RNASE10: variants seen among roughly 807,000 people sequenced by gnomAD.
RNASE10 encodes ribonuclease A family member 10 (inactive).
In RNASE10, 2 loss-of-function variants were observed where a neutral mutation model predicts 1.1. The observed-to-expected ratio is 1.82, with a 90% CI of 0.74 to 5.73. The LOEUF (loss-of-function observed/expected upper bound fraction) is 5.73. Ranked by LOEUF, RNASE10 falls within the 30% of genes most tolerant of loss-of-function variation. RNASE10 has a pLI of 0.05. For synonymous variants in RNASE10, 97 were observed against 96.2 expected (o/e 1.01, Z -0.05); for missense variants, 276 against 263.4 (o/e 1.05, Z -0.33).
At chr14:20,513,223 GT>G (rs1021357732), downstream of RNASE10, among the ~76,000 whole-genome samples, 3 of 148,604 alleles carry the variant, frequency 2.0e-5, no homozygotes, top group African/African-American at 5.2e-5. Context: ...GTTTTGTTTT[GT>G]TTTTGTTTTT....
upstream of RNASE10, among the ~76,000 whole-genome samples, chr14:20,504,318 A>C (rs972650243): frequency 2.0e-5 from 3 of 152,240 alleles, no homozygotes; most frequent in Non-Finnish European, 1.5e-5. Context: ...ACGAGAGGAC[A>C]CAAGAATCTC....
At chr14:20,504,340 A>G (rs918539091), upstream of RNASE10, among the ~76,000 whole-genome samples, 1 of 152,212 alleles carries the variant, frequency 6.6e-6, no homozygotes, top group Non-Finnish European at 1.5e-5. Flanking sequence ...GCAGCTGCTT[A>G]TGCATGTACG....
At chr14:20,508,970 A>G (rs988538337) in intron 1 of RNASE10, among the ~76,000 whole-genome samples, 1 of 152,032 alleles carries the variant, frequency 6.6e-6, no homozygotes, top group Non-Finnish European at 1.5e-5. Context: ...AATGTTCTTC[A>G]TAGCAATTTT....
intron 1 of RNASE10, among the ~76,000 whole-genome samples, chr14:20,507,376 G>A (rs1484140043): frequency 7.6e-6 from 1 of 132,226 alleles, no homozygotes; most frequent in Non-Finnish European, 1.6e-5. Context: ...GATTAAGGGC[G>A]GTGCAAGATG....
At chr14:20,506,830 G>T (rs1334608004) in intron 1 of RNASE10, among the ~76,000 whole-genome samples, 3,168 of 93,134 alleles carry the variant, frequency 0.034, 1 homozygote, top group South Asian at 0.065. Context: ...TCAGCCCCCC[G>T]CCTGGCCAGC....
At chr14:20,510,348 G>A (rs1882862298) in intron 1 of RNASE10, 119 bp from the exon 2 acceptor site, 2 of 1,440,752 alleles carry the variant, frequency 1.4e-6, no homozygotes, top group Admixed American at 2.3e-5. Context: ...GTAGAGTAAT[G>A]TGCAGAAGAC....
intron 1 of RNASE10, among the ~76,000 whole-genome samples, chr14:20,506,719 G>T (rs1882736263): frequency 3.9e-5 from 5 of 128,970 alleles, no homozygotes; most frequent in Non-Finnish European, 5.0e-5. Context: ...GAGGTGGGGG[G>T]GTCAGCCCCC....
At chr14:20,510,260 A>G in intron 1 of RNASE10, 2 of 294,064 alleles carry the variant, frequency 6.8e-6, no homozygotes, top group Non-Finnish European at 1.0e-5. Flanking sequence ...TCCACATTTT[A>G]TTACACAGCA....
exon 2 of RNASE10, chr14:20,510,841 G>C (rs1882880693): frequency 6.2e-7 from 1 of 1,614,094 alleles, no homozygotes; most frequent in Non-Finnish European, 8.5e-7. Flanking sequence ...TGATATGATG[G>C]CACACAAGAT....
intron 1 of RNASE10, among the ~76,000 whole-genome samples, chr14:20,506,848 T>C (rs1343497287): frequency 8.8e-6 from 1 of 113,676 alleles, no homozygotes; most frequent in Non-Finnish European, 1.8e-5. Context: ...AGCCGCCCCG[T>C]CCGGGAGGTG....
chr14:20,507,825 G>A (rs980311722), intron 1 of RNASE10, among the ~76,000 whole-genome samples: 3 of 151,688 alleles, frequency 2.0e-5, no homozygotes, highest in African/African-American at 7.3e-5. Context: ...ATGGCTCACT[G>A]CAGCCTCAAC....
chr14:20,513,125 C>T (rs1882936037), downstream of RNASE10, among the ~76,000 whole-genome samples: 1 of 152,188 alleles, frequency 6.6e-6, no homozygotes, highest in Admixed American at 6.5e-5. Flanking sequence ...TCTCCCTAAG[C>T]GTTCCGGCAC....
rs879789023 is a variant in RNASE10 at position 20,508,976 on chromosome 14, A to AT, written c.80-1479dup. On this transcript the variant is annotated intron_variant, in intron 1 of 1. Transcript: ENST00000430083. ...TGCCTCAATAATGTTCTTCATAGCAATTTTTTTTTTTTCTGGCAGGGAATG... is the reference window on the plus strand; with the variant it reads ...TGCCTCAATAATGTTCTTCATAGCAATTTTTTTTTTTTTCTGGCAGGGAATG... 1.4e-3 allele frequency among the ~76,000 whole-genome samples: 210 copies of AT among 146,888 alleles called. 1 individual carries two copies. The highest frequency in any genetic ancestry group is 3.6e-3 in the Middle Eastern group (1 of 278).
chr14:20,506,925 G>A (rs1167067945), intron 1 of RNASE10, among the ~76,000 whole-genome samples: 2 of 132,794 alleles, frequency 1.5e-5, no homozygotes, highest in South Asian at 2.5e-4. Context: ...CAGCCGCCCC[G>A]TCCGGGAGGG....
intron 1 of RNASE10, among the ~76,000 whole-genome samples, chr14:20,508,383 T>C (rs1317125747): frequency 1.3e-5 from 2 of 152,188 alleles, no homozygotes; most frequent in Non-Finnish European, 2.9e-5. Context: ...TTCTGAGTAA[T>C]GTGATGAAAT....
At chr14:20,511,133 C>A in exon 2 of RNASE10, 1 of 1,468,116 alleles carries the variant, frequency 6.8e-7, no homozygotes, top group Non-Finnish European at 9.0e-7. Flanking sequence ...AGCAACTCAT[C>A]ATCTTTTTTC....
upstream of RNASE10, among the ~76,000 whole-genome samples, chr14:20,504,651 G>A (rs967452265): frequency 1.6e-4 from 22 of 139,344 alleles, no homozygotes; most frequent in Non-Finnish European, 3.0e-4. Context: ...TCGCGCCACC[G>A]CACTCCAGCC....
intron 1 of RNASE10, among the ~76,000 whole-genome samples, chr14:20,509,169 C>G (rs1301884286): frequency 7.9e-5 from 12 of 152,272 alleles, no homozygotes; most frequent in Non-Finnish European, 8.8e-5. Flanking sequence ...CGTGTCTCAG[C>G]TTCCCCAGTG....
downstream of RNASE10, among the ~76,000 whole-genome samples, chr14:20,512,233 A>G (rs1425797535): frequency 2.0e-5 from 3 of 152,240 alleles, no homozygotes; most frequent in African/African-American, 7.2e-5. Context: ...TAGTGAAAGA[A>G]TAATTTCAGC....
Sources: gnomAD v4.1 joint callset for allele counts (sites outside exome capture counted in the v4.1 genomes callset) on GRCh38, gnomAD v4.1.1 for gene constraint, MANE v1.5 for transcripts, NCBI Gene and HGNC (gene_info 2026-07-23, HGNC 2026-07-21) for gene names.